SHANK2: variants seen among roughly 807,000 people sequenced by gnomAD.
The protein encoded by SHANK2 is SH3 and multiple ankyrin repeat domains 2.
SHANK2 carries 43 observed loss-of-function variants against 133.7 expected under a neutral mutation model. The ratio of observed to expected loss-of-function variants is 0.32; its 90% CI spans 0.25 to 0.41. The LOEUF (loss-of-function observed/expected upper bound fraction) is 0.41. SHANK2 is among the 10% of genes least tolerant of loss of function. The probability of loss-of-function intolerance (pLI) is 1.00; values close to 1 mark genes in which losing one functional copy is unlikely to be tolerated. For missense variants in SHANK2, 1,994 were observed against 2,235.8 expected (o/e 0.89, Z 2.18); for synonymous variants, 1,017 against 952.8 (o/e 1.07, Z -1.24).
chr11:71,213,919 G>A (rs1368502512), intron 2 of SHANK2, among the ~76,000 whole-genome samples: 3 of 152,118 alleles, frequency 2.0e-5, no homozygotes, highest in African/African-American at 7.2e-5. Context: ...GCTTCCTTGG[G>A]CCATTTACCA....
chr11:71,151,214 C>A (rs1555108018), intron 2 of SHANK2, among the ~76,000 whole-genome samples: 1 of 152,126 alleles, frequency 6.6e-6, no homozygotes, highest in East Asian at 1.9e-4. Flanking sequence ...TGTTTTATAA[C>A]TGGGGGGCCC....
chr11:70,747,530 A>G (rs1199271595), intron 14 of SHANK2, among the ~76,000 whole-genome samples: 1 of 152,166 alleles, frequency 6.6e-6, no homozygotes, highest in East Asian at 1.9e-4. Flanking sequence ...GGGATTTGGA[A>G]GCCTGTTTCC....
chr11:71,133,952 G>T (rs1308972243), intron 3 of SHANK2, among the ~76,000 whole-genome samples: 2 of 150,490 alleles, frequency 1.3e-5, no homozygotes, highest in Non-Finnish European at 3.0e-5. Context: ...TAGGGAAGGG[G>T]TCTCATTACG....
At chr11:70,484,304 G>C (rs1204675766) in intron 25 of SHANK2, among the ~76,000 whole-genome samples, 1 of 152,152 alleles carries the variant, frequency 6.6e-6, no homozygotes, top group Non-Finnish European at 1.5e-5. Context: ...AGATCATGGT[G>C]GGGGAGTTCT....
chr11:71,226,160 A>G (rs1954639642), intron 1 of SHANK2, among the ~76,000 whole-genome samples: 1 of 152,200 alleles, frequency 6.6e-6, no homozygotes, highest in Non-Finnish European at 1.5e-5. Flanking sequence ...TAAAGAATAC[A>G]GTAACTGTAA....
Position 70,826,868 on chromosome 11 carries a change from A to C in SHANK2, c.1175-6186T>G, listed in dbSNP as rs80164675. The C allele has an allele frequency of 2.5e-3, 505 of 205,088 alleles. 5 individuals are homozygous for C. Among genetic ancestry groups the C allele is most frequent in the African/African-American group, 0.011 (489 of 43,932 alleles). 12.7% of individuals were successfully genotyped at this position (205,088 alleles called of 1,614,324 possible). ...GCGGATCAGGCGTCCTCGAGCTGGCAGCTGGGAGACGCCGGGAGGCATGAG... is the reference window on the plus strand; with the variant it reads ...GCGGATCAGGCGTCCTCGAGCTGGCCGCTGGGAGACGCCGGGAGGCATGAG... On this transcript the variant is annotated intron_variant, in intron 11 of 25. Transcript: ENST00000601538.
chr11:71,130,478 C>T (rs1297232646), intron 3 of SHANK2, among the ~76,000 whole-genome samples: 1 of 151,984 alleles, frequency 6.6e-6, no homozygotes, highest in African/African-American at 2.4e-5. Context: ...GCGATGATGA[C>T]GGGTGATTTT....
chr11:70,636,735 AAT>A (rs1278052674), intron 17 of SHANK2, among the ~76,000 whole-genome samples: 16 of 144,866 alleles, frequency 1.1e-4, no homozygotes, highest in African/African-American at 2.3e-4. Context: ...ATGATGTGTG[AAT>A]ATGTGTGAGC....
rs77113182 is a variant in SHANK2, at chr11:70,850,415, G to A, written c.1175-29733C>T. Among the ~76,000 whole-genome samples, 549 of 152,310 alleles carry A rather than the reference G, an allele frequency of 3.6e-3. 6 individuals carry two copies. Among genetic ancestry groups the A allele is most frequent in the African/African-American group, 0.013 (528 of 41,558 alleles). ...CAACTGGCTCACTTTACCCAAATGA[G>A]ATGCTCATACTCACTGGGGGCCAGG... On this transcript the variant is annotated intron_variant, in intron 11 of 25. Coordinates refer to ENST00000601538, the MANE Select transcript of SHANK2 (RefSeq NM_012309.5).
intron 10 of SHANK2, among the ~76,000 whole-genome samples, chr11:70,921,487 G>A (rs1950350893): frequency 6.6e-6 from 1 of 152,234 alleles, no homozygotes. Context: ...GAGTTGTCTG[G>A]GCTAGAGGAA....
intron 10 of SHANK2, among the ~76,000 whole-genome samples, chr11:70,941,609 C>T (rs1293638332): frequency 6.6e-6 from 1 of 152,024 alleles, no homozygotes; most frequent in Non-Finnish European, 1.5e-5. Flanking sequence ...GGTGGGGCCC[C>T]ACGATAGGAT....
Position 71,252,008 on chromosome 11 carries a change from G to C in SHANK2, c.-113+417C>G, listed in dbSNP as rs749679359. Among the ~76,000 whole-genome samples the C allele has an allele frequency of 2.6e-5, 4 of 152,144 alleles. No individual in the cohort carries two copies. The highest frequency in any genetic ancestry group is 1.5e-5 in the Non-Finnish European group (1 of 68,006). ...CTAGGGCTGGCGGGCGGTGACCCGG[G>C]GCAAGGAGACCCCGGGAGAGCGGGG... On this transcript the variant is annotated intron_variant, in intron 1 of 25. Coordinates refer to ENST00000601538, the MANE Select transcript of SHANK2 (RefSeq NM_012309.5). The surrounding 1 kb of genome is among the most constrained non-coding windows in gnomAD (Gnocchi z 6.3).
intron 10 of SHANK2, among the ~76,000 whole-genome samples, chr11:70,913,331 C>G (rs1227548034): frequency 6.6e-6 from 1 of 152,040 alleles, no homozygotes; most frequent in Non-Finnish European, 1.5e-5. Flanking sequence ...CCAGGGGGCT[C>G]TATGTGCTAA....
In SHANK2 at chr11:70,839,316, G is replaced by A. The variant is rs188397488; in HGVS notation, c.1175-18634C>T. On this transcript the variant is annotated intron_variant, in intron 11 of 25. Coordinates refer to ENST00000601538, the MANE Select transcript of SHANK2 (RefSeq NM_012309.5). ...TTGCTTTATTTGGTAACTCAGCCTA[G>A]AAAGCCCTCAGGGAAAGGGCGGGTC... 8.8e-4 allele frequency among the ~76,000 whole-genome samples: 134 copies of A among 152,296 alleles called. 1 individual carries two copies. The highest frequency in any genetic ancestry group is 3.2e-3 in the African/African-American group (131 of 41,562).
intron 14 of SHANK2, among the ~76,000 whole-genome samples, chr11:70,709,890 G>A (rs1945742851): frequency 6.6e-6 from 1 of 152,104 alleles, no homozygotes; most frequent in Non-Finnish European, 1.5e-5. Flanking sequence ...GTGGGCTCCG[G>A]GGGTCCAGGG....
intron 17 of SHANK2, among the ~76,000 whole-genome samples, chr11:70,546,835 G>C (rs1554976513): frequency 3.3e-5 from 5 of 152,182 alleles, no homozygotes; most frequent in Non-Finnish European, 5.9e-5. Flanking sequence ...AGAACCTTCT[G>C]GGGGGCATCC....
At chr11:71,115,884 C>A (rs1555100248) in intron 4 of SHANK2, among the ~76,000 whole-genome samples, 2 of 152,218 alleles carry the variant, frequency 1.3e-5, no homozygotes, top group South Asian at 2.1e-4. Flanking sequence ...AGAACCTTGA[C>A]TTTTCTGTGC....
chr11:70,737,279 A>G (rs774411029), intron 14 of SHANK2, among the ~76,000 whole-genome samples: 18 of 152,246 alleles, frequency 1.2e-4, no homozygotes, highest in South Asian at 6.2e-4. Flanking sequence ...TAAAATAGAA[A>G]CAAGTTCAAG....
Position 70,751,882 on chromosome 11 carries a change from G to A in SHANK2, c.1777+46561C>T, listed in dbSNP as rs1468657508. On this transcript the variant is annotated intron_variant, in intron 14 of 25. Coordinates refer to ENST00000601538, the MANE Select transcript of SHANK2 (RefSeq NM_012309.5). ...AAAAAAGCTATATAATTGTTTTAAAGCCTCCAAAATTAAATTAAAATGGAA... is the reference window on the plus strand; with the variant it reads ...AAAAAAGCTATATAATTGTTTTAAAACCTCCAAAATTAAATTAAAATGGAA... 2.2e-4 allele frequency among the ~76,000 whole-genome samples: 34 copies of A among 151,654 alleles called. 1 individual carries two copies. The highest frequency in any genetic ancestry group is 2.2e-3 in the Admixed American group (34 of 15,216).
Sources: gnomAD v4.1 joint callset for allele counts (sites outside exome capture counted in the v4.1 genomes callset) on GRCh38, gnomAD v4.1.1 for gene constraint, Gnocchi (gnomAD v3.1) non-coding constraint, MANE v1.5 for transcripts, NCBI Gene and HGNC (gene_info 2026-07-23, HGNC 2026-07-21) for gene names.